The following LPA variants were observed in gnomAD, a reference collection of about 807,000 sequenced individuals.
The protein encoded by LPA is lipoprotein(a).
A neutral mutation model predicts 197.9 loss-of-function variants in LPA; 199 were observed. The observed-to-expected ratio is 1.01, with a 90% CI of 0.90 to 1.13. The LOEUF is 1.13. LPA is among the 50% of genes most tolerant of loss of function. The probability of loss-of-function intolerance (pLI) is 0.00; values close to 1 mark genes in which losing one functional copy is unlikely to be tolerated. For missense variants in LPA, 1,853 were observed against 1,785.8 expected, an observed-to-expected ratio of 1.04 and a Z score of -0.68; for synonymous variants, 715 against 639.5, an observed-to-expected ratio of 1.12 and a Z score of -1.78.
At chr6:160,558,107 G>A (rs181236493) in intron 28 of LPA, among the ~76,000 whole-genome samples, 70 of 152,100 alleles carry the variant, frequency 4.6e-4, no homozygotes, top group African/African-American at 1.5e-3. Flanking sequence ...TTTTAGTAGA[G>A]ACAGGGTTTC....
intron 2 of LPA, among the ~76,000 whole-genome samples, chr6:160,648,726 A>T (rs1779950910): frequency 6.6e-6 from 1 of 152,126 alleles, no homozygotes; most frequent in Non-Finnish European, 1.5e-5. Context: ...TTTTTCATTT[A>T]AGACATATCT....
chr6:160,655,894 C>T (rs961001421), intron 1 of LPA, among the ~76,000 whole-genome samples: 4 of 152,162 alleles, frequency 2.6e-5, no homozygotes, highest in African/African-American at 4.8e-5. Flanking sequence ...AGAGTTGATA[C>T]ACCCCTGAGG....
intron 36 of LPA, 102 bp downstream of exon 36, chr6:160,539,937 TAGAC>T (rs982244932): frequency 6.7e-7 from 1 of 1,502,772 alleles, no homozygotes; most frequent in Non-Finnish European, 9.3e-7. Flanking sequence ...TTTCATGTGA[TAGAC>T]AGTTCCTCCC....
chr6:160,576,204 C>G (rs78733124), intron 28 of LPA, among the ~76,000 whole-genome samples: 1 of 150,892 alleles, frequency 6.6e-6, no homozygotes, highest in African/African-American at 2.4e-5. Flanking sequence ...TACTTTTCAG[C>G]GTTTGTGTAC....
intron 2 of LPA, among the ~76,000 whole-genome samples, chr6:160,649,033 A>C (rs1779957130): frequency 6.6e-6 from 1 of 152,172 alleles, no homozygotes; most frequent in African/African-American, 2.4e-5. Flanking sequence ...TTACCTCTAA[A>C]GATGGTTGAG....
intron 16 of LPA, among the ~76,000 whole-genome samples, chr6:160,608,688 G>T (rs188718546): frequency 1.3e-5 from 2 of 151,936 alleles, no homozygotes. Flanking sequence ...CCTTGATTCC[G>T]GTATTTGTTT....
At chr6:160,538,734 A>T (rs929331190) in intron 36 of LPA, among the ~76,000 whole-genome samples, 1 of 152,206 alleles carries the variant, frequency 6.6e-6, no homozygotes, top group Non-Finnish European at 1.5e-5. Flanking sequence ...CCTGTGATGC[A>T]GATGTCCTCA....
intron 1 of LPA, among the ~76,000 whole-genome samples, chr6:160,654,662 T>C (rs1165322479): frequency 1.3e-5 from 2 of 152,122 alleles, no homozygotes; most frequent in Non-Finnish European, 2.9e-5. Context: ...CCAAAAGTTA[T>C]TACATAAGGT....
At chr6:160,581,722 C>T (rs1487175173) in intron 26 of LPA, among the ~76,000 whole-genome samples, 3 of 152,130 alleles carry the variant, frequency 2.0e-5, no homozygotes, top group African/African-American at 7.2e-5. Flanking sequence ...GTGATTCTAG[C>T]ATATACATTC....
chr6:160,572,657 A>T (rs948067220), intron 28 of LPA, among the ~76,000 whole-genome samples: 7 of 152,106 alleles, frequency 4.6e-5, no homozygotes, highest in Non-Finnish European at 8.8e-5. Context: ...TCTTTCCTTC[A>T]TATATGATGC....
intron 2 of LPA, 74 bp downstream of exon 2, chr6:160,650,264 A>G: frequency 6.8e-7 from 1 of 1,473,548 alleles, no homozygotes; most frequent in Non-Finnish European, 9.5e-7. Context: ...ATAAGAAGTT[A>G]GCTTGACGCA....
intron 18 of LPA, among the ~76,000 whole-genome samples, chr6:160,602,455 A>T (rs1284734470): frequency 1.3e-5 from 2 of 152,206 alleles, no homozygotes; most frequent in African/African-American, 2.4e-5. Flanking sequence ...TTACCTCTAC[A>T]TATGCTAAAG....
At chr6:160,658,123 G>A (rs1404155372) in intron 1 of LPA, among the ~76,000 whole-genome samples, 1 of 152,150 alleles carries the variant, frequency 6.6e-6, no homozygotes, top group Non-Finnish European at 1.5e-5. Flanking sequence ...GGCAGCACGG[G>A]TCAGGGAGGG....
chr6:160,595,395 G>T lies in LPA; in HGVS notation c.3428C>A (p.Thr1143Lys), dbSNP rs142720914. 8 of 1,613,602 alleles carry T rather than the reference G, an allele frequency of 5.0e-6. No individual in the cohort carries two copies. The East Asian group carries it at 1.6e-4, about 31-fold the overall frequency. Residue 1143 changes from threonine (T) to lysine (K), a missense_variant, in exon 21 of 39, where the codon ACG becomes AAG. By Grantham distance (78) the Thr-to-Lys change is moderately conservative (BLOSUM62 -1). Transcript: ENST00000316300. ...CTCTGTGCTTGGATCTGGGACCACC[G>T]TGAGAGTTGCAAGGACACTTGATTC... is the stretch of plus-strand genomic sequence containing the variant. ...VTESSVLATLTVVPDPSTEAS... is the reference protein window; with the variant it reads ...VTESSVLATLKVVPDPSTEAS...
Position 160,577,175 on chromosome 6 carries a change from G to T in LPA, c.4592C>A (p.Pro1531Gln), listed in dbSNP as rs747246975. ...TTCTGGGGTCCTCTGATGCCAGTGT[G>T]GTATCATAGATGACCAAGATTGACA... Reference protein sequence around the residue: ...RTCQSWSSMIPHWHQRTPENY... With the variant: ...RTCQSWSSMIQHWHQRTPENY... The change falls in exon 28 of 39, where the codon CCA becomes CAA. Residue 1531 changes from proline (P) to glutamine (Q), a missense_variant. This residue lies in a region of LPA where 1,737 missense variants were observed against 1,504.4 expected (regional missense o/e 1.15). Transcript: ENST00000316300. 1.9e-6 allele frequency: 3 copies of T among 1,613,692 alleles called. No homozygotes were observed. Among genetic ancestry groups the T allele is most frequent in the Non-Finnish European group, 1.7e-6 (2 of 1,179,828 alleles).
Position 160,541,115 on chromosome 6 carries a change from G to A in LPA, c.5586C>T (p.Cys1862=), listed in dbSNP as rs1777974536. ...SPEWVLTAAH[C]LKKSSRPSSY... ...TTTTCCCTTAAACGTACTTCTTCAA[G>A]CAGTGAGCAGCAGTCAGCACCCACT... The change falls in exon 35 of 39, where the codon TGC becomes TGT. Residue 1862 remains cysteine (C), a synonymous_variant. Coordinates refer to ENST00000316300, the MANE Select transcript of LPA (RefSeq NM_005577.4). The A allele has an allele frequency of 1.9e-6, 3 of 1,613,954 alleles. No homozygotes were observed. Among genetic ancestry groups the A allele is most frequent in the Non-Finnish European group, 2.5e-6 (3 of 1,179,832 alleles).
intron 28 of LPA, among the ~76,000 whole-genome samples, chr6:160,574,285 TG>T (rs375076081): frequency 5.9e-5 from 9 of 151,862 alleles, no homozygotes; most frequent in Middle Eastern, 3.4e-3. Flanking sequence ...TGTTTCCAGG[TG>T]GGGGGAAAGT....
chr6:160,548,731 T>G, intron 30 of LPA, 72 bp from the exon 31 acceptor site: 3 of 1,525,372 alleles, frequency 2.0e-6, no homozygotes, highest in Non-Finnish European at 1.8e-6. Flanking sequence ...CCCTCTACAT[T>G]TTGTTCTAAC....
intron 16 of LPA, among the ~76,000 whole-genome samples, chr6:160,611,076 A>C (rs540158762): frequency 1.3e-5 from 2 of 152,196 alleles, no homozygotes; most frequent in East Asian, 3.9e-4. Context: ...ACTGGTACTT[A>C]GGACCAAGAG....
Sources: gnomAD v4.1 joint callset for allele counts (sites outside exome capture counted in the v4.1 genomes callset) on GRCh38, gnomAD v4.1.1 for gene constraint, gnomAD v4.1.1 regional missense constraint, MANE v1.5 for transcripts, NCBI Gene and HGNC (gene_info 2026-07-23, HGNC 2026-07-21) for gene names.